The following WSCD2 variants were observed in gnomAD, a reference collection of about 807,000 sequenced individuals.
The protein encoded by WSCD2 is WSC domain sialate O sulfotransferase 2, also known as sialate:O-sulfotransferase 2.
In WSCD2, 28 loss-of-function variants were observed where a neutral mutation model predicts 55.7. The ratio of observed to expected loss-of-function variants is 0.50; its 90% CI spans 0.37 to 0.69. The LOEUF is 0.69. WSCD2 is among the 30% of genes least tolerant of loss of function. WSCD2 has a pLI of 0.00. For synonymous variants in WSCD2, 301 were observed against 301.9 expected (o/e 1.00, Z 0.03); for missense variants, 616 against 762.1 (o/e 0.81, Z 2.26).
At chr12:108,203,362 G>A (rs897701728) in intron 2 of WSCD2, among the ~76,000 whole-genome samples, 1 of 152,148 alleles carries the variant, frequency 6.6e-6, no homozygotes, top group African/African-American at 2.4e-5. Flanking sequence ...ATTGGCCTTG[G>A]TGCCAGGGAC....
chr12:108,139,703 G>GCCC (rs1876588182), intron 1 of WSCD2, among the ~76,000 whole-genome samples: 1 of 152,176 alleles, frequency 6.6e-6, no homozygotes, highest in South Asian at 2.1e-4. Flanking sequence ...TCACATAGAA[G>GCCC]CCCAGCACAA....
At chr12:108,221,033 G>A (rs954223245) in intron 4 of WSCD2, among the ~76,000 whole-genome samples, 4 of 152,064 alleles carry the variant, frequency 2.6e-5, no homozygotes, top group East Asian at 1.9e-4. Context: ...AGCATCTATC[G>A]CCTATGGCTG....
intron 1 of WSCD2, among the ~76,000 whole-genome samples, chr12:108,181,643 C>G (rs1244405521): frequency 6.6e-6 from 1 of 152,214 alleles, no homozygotes; most frequent in Non-Finnish European, 1.5e-5. Flanking sequence ...GGGTCTCACT[C>G]TGTTCTCCAA....
intron 1 of WSCD2, among the ~76,000 whole-genome samples, chr12:108,159,106 A>G (rs1878809490): frequency 6.6e-6 from 1 of 152,136 alleles, no homozygotes; most frequent in Non-Finnish European, 1.5e-5. Context: ...TGTGTCTCTG[A>G]AAGGGATCTA....
At chr12:108,154,168 C>T (rs1878301844) in intron 1 of WSCD2, among the ~76,000 whole-genome samples, 2 of 152,272 alleles carry the variant, frequency 1.3e-5, no homozygotes, top group South Asian at 2.1e-4. Flanking sequence ...CCAATAGCTG[C>T]TGTAACAAAT....
At chr12:108,152,609 C>T (rs183742092) in intron 1 of WSCD2, among the ~76,000 whole-genome samples, 82 of 152,216 alleles carry the variant, frequency 5.4e-4, no homozygotes, top group African/African-American at 2.0e-3. Flanking sequence ...AGGAATTAAC[C>T]GGGGCCATCC....
intron 7 of WSCD2, 53 bp downstream of exon 7, chr12:108,232,948 TCC>T: frequency 3.8e-6 from 6 of 1,590,330 alleles, no homozygotes; most frequent in Non-Finnish European, 5.2e-6. Context: ...CTTGGGAAGG[TCC>T]CCACTTGGAG....
intron 1 of WSCD2, among the ~76,000 whole-genome samples, chr12:108,144,209 C>G (rs538170726): frequency 6.6e-6 from 1 of 152,142 alleles, no homozygotes; most frequent in Non-Finnish European, 1.5e-5. Flanking sequence ...ACTGTCTGTA[C>G]GTTGAGAGCT....
intron 1 of WSCD2, among the ~76,000 whole-genome samples, chr12:108,164,583 C>A (rs925972490): frequency 6.6e-6 from 1 of 152,108 alleles, no homozygotes; most frequent in African/African-American, 2.4e-5. Flanking sequence ...GTGCTAGGGA[C>A]ATTCTTGTAC....
Position 108,154,430 on chromosome 12 carries a change from G to A in WSCD2, c.-552+24504G>A, listed in dbSNP as rs570905072. 4.6e-5 allele frequency among the ~76,000 whole-genome samples: 7 copies of A among 152,120 alleles called. No individual in the cohort carries two copies. In the South Asian group the frequency reaches 1.2e-3, roughly 27 times the overall value. On this transcript the variant is annotated intron_variant, in intron 1 of 8. Coordinates refer to ENST00000547525, the MANE Select transcript of WSCD2 (RefSeq NM_014653.4). ...TTTCTGTTGTCTTCTCTCCTTCTCC[G>A]ACTCTGACCCTCCTGCTGCCCTCAT...
chr12:108,188,324 G>C lies in WSCD2; in HGVS notation c.-551-6958G>C, dbSNP rs983165739. On this transcript the variant is annotated intron_variant, in intron 1 of 8. Transcript: ENST00000547525. ...AGGAACCTGGTGAAGCTTTCCTGGTGTGTACATGCTTCCTGGTCAAAAAAG... is the reference window on the plus strand; with the variant it reads ...AGGAACCTGGTGAAGCTTTCCTGGTCTGTACATGCTTCCTGGTCAAAAAAG... Among the ~76,000 whole-genome samples the C allele has an allele frequency of 1.3e-5, 2 of 152,056 alleles. 1 individual carries two copies. The highest frequency in any genetic ancestry group is 6.3e-3 in the Middle Eastern group (2 of 316).
intron 2 of WSCD2, 105 bp from the exon 3 acceptor site, chr12:108,206,184 A>C (rs1373074541): frequency 1.1e-6 from 1 of 904,682 alleles, no homozygotes; most frequent in African/African-American, 1.6e-5. Flanking sequence ...CTTGACATTA[A>C]AAGGTCAACA....
intron 1 of WSCD2, among the ~76,000 whole-genome samples, chr12:108,136,454 G>T (rs779272572): frequency 2.0e-5 from 3 of 148,974 alleles, no homozygotes; most frequent in Non-Finnish European, 4.5e-5. Context: ...ATATATGTTG[G>T]CCTGTGCTCC....
At chr12:108,147,349 C>T (rs1171706584) in intron 1 of WSCD2, among the ~76,000 whole-genome samples, 2 of 152,116 alleles carry the variant, frequency 1.3e-5, no homozygotes, top group Non-Finnish European at 2.9e-5. Context: ...CTGCAGGGCT[C>T]ATGTCATGGT....
chr12:108,138,959 G>T (rs904365581), intron 1 of WSCD2, among the ~76,000 whole-genome samples: 2 of 152,208 alleles, frequency 1.3e-5, no homozygotes, highest in African/African-American at 4.8e-5. Flanking sequence ...AATTGTCCTG[G>T]GAGGGCAGCA....
intron 4 of WSCD2, among the ~76,000 whole-genome samples, chr12:108,215,942 G>C (rs1221000583): frequency 6.6e-6 from 1 of 152,192 alleles, no homozygotes; most frequent in Non-Finnish European, 1.5e-5. Flanking sequence ...CCAAGCTGCT[G>C]AGGTCATGTA....
intron 2 of WSCD2, among the ~76,000 whole-genome samples, chr12:108,200,560 A>G (rs1332649169): frequency 2.6e-5 from 4 of 152,206 alleles, no homozygotes; most frequent in Non-Finnish European, 5.9e-5. Context: ...GAAGGTGGAG[A>G]TACAGGAATG....
At chr12:108,242,994 G>A (rs1054754713) in intron 8 of WSCD2, among the ~76,000 whole-genome samples, 1 of 152,246 alleles carries the variant, frequency 6.6e-6, no homozygotes, top group Non-Finnish European at 1.5e-5. Context: ...CCTGACCCAG[G>A]CATGCAAGGG....
chr12:108,155,652 A>T (rs1878435794), intron 1 of WSCD2, among the ~76,000 whole-genome samples: 1 of 152,182 alleles, frequency 6.6e-6, no homozygotes, highest in South Asian at 2.1e-4. Flanking sequence ...TGGGCAGTTT[A>T]CATCACTTCT....
Sources: gnomAD v4.1 joint callset for allele counts (sites outside exome capture counted in the v4.1 genomes callset) on GRCh38, gnomAD v4.1.1 for gene constraint, MANE v1.5 for transcripts, NCBI Gene and HGNC (gene_info 2026-07-23, HGNC 2026-07-21) for gene names.